Variants in WDR35 observed in about 807,000 individuals in gnomAD.
WDR35 encodes WD repeat domain 35.
Under a neutral mutation model 158.3 loss-of-function variants are expected in WDR35, and 118 were observed. The observed-to-expected ratio is 0.75, with a 90% CI of 0.64 to 0.87. WDR35 has a LOEUF of 0.87. Among genes scored for constraint, WDR35 ranks in the 40% least tolerant of loss-of-function variants. The pLI, the probability that WDR35 is intolerant of heterozygous loss-of-function variation, is 0.00. For missense variants in WDR35, 1,263 were observed against 1,405.8 expected (o/e 0.90, Z 1.62); for synonymous variants, 448 against 476.1 (o/e 0.94, Z 0.77).
chr2:19,918,602 T>C (rs538952663), intron 25 of WDR35, among the ~76,000 whole-genome samples: 2 of 152,194 alleles, frequency 1.3e-5, no homozygotes, highest in South Asian at 2.1e-4. Context: ...GCAATCCTAG[T>C]CTCTGAAAAA....
Position 19,930,274 on chromosome 2 carries a change from G to A in WDR35, c.3121+122C>T, listed in dbSNP as rs939615389. 11 of 1,447,902 alleles carry A rather than the reference G, an allele frequency of 7.6e-6. No homozygotes were observed. In the East Asian group the frequency reaches 1.6e-4, roughly 21 times the overall value. The allele number at this position is 1,447,902 out of a possible 1,614,324, so 89.7% of individuals were successfully genotyped here. On this transcript the variant is annotated intron_variant, in intron 25 of 26. Transcript: ENST00000281405. ...GGGAATGCATAAGACTCAAACATAG[G>A]AAAATAAATCCATAGGAAAAAATGT... is the stretch of plus-strand genomic sequence containing the variant.
At position 19,973,689 on chromosome 2, in the gene WDR35, A is replaced by C. The variant is rs1256558669; in HGVS notation, c.756T>G (p.Thr252=). The change falls in exon 8 of 27, where the codon ACT becomes ACG. Residue 252 remains threonine (T), a synonymous_variant. Coordinates refer to ENST00000281405, the MANE Select transcript of WDR35 (RefSeq NM_020779.4). ...ACTGGATGCCTACTACGTACATGCC[A>C]GTGTCAATCAAAACGGGATCTAGTC... ...ENDQNPVLID[T]GMYVVGIQWN... is the part of the protein sequence containing the mutation. The C allele has an allele frequency of 6.2e-7, 1 of 1,614,052 alleles. No individual in the cohort carries two copies. Among genetic ancestry groups the C allele is most frequent in the East Asian group, 2.2e-5 (1 of 44,886 alleles).
chr2:19,945,275 C>T (rs1452860943), intron 16 of WDR35, among the ~76,000 whole-genome samples: 1 of 152,030 alleles, frequency 6.6e-6, no homozygotes, highest in African/African-American at 2.4e-5. Context: ...CCTGCACTTG[C>T]ATATTTGTAA....
At chr2:19,936,514 A>AGTCAG in intron 19 of WDR35, 149 bp from the exon 20 acceptor site, 1 of 1,139,554 alleles carries the variant, frequency 8.8e-7, no homozygotes, top group Non-Finnish European at 1.3e-6. Context: ...TAGCCTGACT[A>AGTCAG]GCTAAGAGGA....
At chr2:19,925,469 A>G (rs1186649531) in intron 25 of WDR35, among the ~76,000 whole-genome samples, 1 of 152,214 alleles carries the variant, frequency 6.6e-6, no homozygotes, top group East Asian at 1.9e-4. Flanking sequence ...TGAAGTAACT[A>G]TTTAGGGGAA....
At chr2:19,964,350 C>CT (rs996279668) in intron 10 of WDR35, among the ~76,000 whole-genome samples, 14 of 138,974 alleles carry the variant, frequency 1.0e-4, no homozygotes, top group South Asian at 7.2e-4. Context: ...CCTGTTCACT[C>CT]TTTTTTTTTC....
Position 19,990,064 on chromosome 2 carries a change from T to G in WDR35, c.-49A>C, listed in dbSNP as rs1196179775. ...GGCGGCCGCTAAGGCCCTCGACAAG[T>G]AACGGTTCTACGTCTCCAATCGGGA... On this transcript the variant is annotated 5_prime_UTR_variant, in exon 1 of 27. Transcript: ENST00000281405. The G allele has an allele frequency of 6.2e-7, 1 of 1,609,150 alleles. No individual in the cohort carries two copies. Among genetic ancestry groups the G allele is most frequent in the East Asian group, 2.2e-5 (1 of 44,730 alleles).
chr2:19,933,164 C>G lies in WDR35; in HGVS notation c.2658+237G>C, dbSNP rs530941417. 3.9e-5 allele frequency among the ~76,000 whole-genome samples: 6 copies of G among 152,304 alleles called. No homozygotes were observed. The South Asian group carries it at 6.2e-4, about 16-fold the overall frequency. On this transcript the variant is annotated intron_variant, in intron 22 of 26. Transcript: ENST00000281405. ...CACAAGGTTTGTTCATGCTCCCATA[C>G]TGAGCTGGTTATAAGTGGGTCACCC...
intron 19 of WDR35, 72 bp from the exon 20 acceptor site, chr2:19,936,437 G>A: frequency 1.2e-6 from 2 of 1,606,052 alleles, no homozygotes; most frequent in South Asian, 2.2e-5. Flanking sequence ...CTGTGTGTTA[G>A]GTACAGTTCT....
At chr2:19,941,463 A>G (rs766327521) in intron 17 of WDR35, among the ~76,000 whole-genome samples, 1 of 152,186 alleles carries the variant, frequency 6.6e-6, no homozygotes, top group African/African-American at 2.4e-5. Flanking sequence ...CATTGTGCTA[A>G]TTGCTTTTCA....
intron 5 of WDR35, 117 bp from the exon 6 acceptor site, chr2:19,975,780 A>C (rs1008335247): frequency 1.5e-6 from 2 of 1,363,162 alleles, no homozygotes; most frequent in Non-Finnish European, 1.0e-6. Flanking sequence ...GCATTCATTC[A>C]ATTTATTTGG....
At chr2:19,984,698 C>T (rs151295865) in intron 2 of WDR35, among the ~76,000 whole-genome samples, 190 of 152,284 alleles carry the variant, frequency 1.2e-3, no homozygotes, top group African/African-American at 4.4e-3. Context: ...GAAGATCATG[C>T]TAATAACACC....
At chr2:19,960,824 C>T (rs1671626287) in intron 10 of WDR35, among the ~76,000 whole-genome samples, 1 of 152,168 alleles carries the variant, frequency 6.6e-6, no homozygotes, top group African/African-American at 2.4e-5. Context: ...TAAACCAAGG[C>T]TGCTTTCTCA....
At chr2:19,953,725 TC>T (rs1671324305) in intron 12 of WDR35, 108 bp downstream of exon 12, 2 of 1,389,510 alleles carry the variant, frequency 1.4e-6, no homozygotes, top group African/African-American at 2.9e-5. Context: ...AAAAAACATT[TC>T]TACTAATCAA....
intron 13 of WDR35, 41 bp from the exon 14 acceptor site, chr2:19,948,258 T>A: frequency 6.4e-7 from 1 of 1,561,118 alleles, no homozygotes; most frequent in Non-Finnish European, 8.8e-7. Flanking sequence ...AACAAACATT[T>A]ATTGAATAAC....
Sources: gnomAD v4.1 joint callset for allele counts (sites outside exome capture counted in the v4.1 genomes callset) on GRCh38, gnomAD v4.1.1 for gene constraint, MANE v1.5 for transcripts, NCBI Gene and HGNC (gene_info 2026-07-23, HGNC 2026-07-21) for gene names.